KCTD5: variants seen among roughly 807,000 people sequenced by gnomAD.
The protein encoded by KCTD5 is BTB/POZ domain-containing protein KCTD5.
KCTD5 carries 12 observed loss-of-function variants against 27.9 expected under a neutral mutation model. The observed-to-expected ratio is 0.43, with a 90% CI of 0.28 to 0.70. The LOEUF (loss-of-function observed/expected upper bound fraction) is 0.70, where lower values mean the gene tolerates loss of function less well. KCTD5 is among the 30% of genes least tolerant of loss of function. The pLI is 0.19. For synonymous variants in KCTD5, 147 were observed against 121.4 expected, an observed-to-expected ratio of 1.21 and a Z score of -1.39; for missense variants, 226 against 274.8, an observed-to-expected ratio of 0.82 and a Z score of 1.26.
intron 5 of KCTD5, among the ~76,000 whole-genome samples, chr16:2,706,233 G>A (rs933801038): frequency 2.0e-5 from 3 of 152,210 alleles, no homozygotes; most frequent in Admixed American, 6.5e-5. Flanking sequence ...CAGCTCAGGG[G>A]ACGTGGCCTC....
intron 5 of KCTD5, among the ~76,000 whole-genome samples, chr16:2,705,437 G>A (rs2067631335): frequency 6.6e-6 from 1 of 152,182 alleles, no homozygotes; most frequent in African/African-American, 2.4e-5. Flanking sequence ...GGACATCAGT[G>A]GTCGTGAACC....
chr16:2,707,288 T>C lies in KCTD5; in HGVS notation c.676-10T>C. The stretch of plus-strand genomic sequence containing the variant: ...CCAAGTCCTCATTTTATGCATTTGG[T>C]GTTTTTCAGATTTTGCAAGAACGAG... On this transcript the variant is annotated splice_polypyrimidine_tract_variant and intron_variant, in intron 5 of 5. Coordinates refer to ENST00000301738, the MANE Select transcript of KCTD5 (RefSeq NM_018992.4). 6.2e-7 allele frequency: 1 copy of C among 1,613,408 alleles called. No homozygotes were observed. The highest frequency in any genetic ancestry group is 8.5e-7 in the Non-Finnish European group (1 of 1,179,424).
At chr16:2,690,829 C>A (rs1465187285) in intron 1 of KCTD5, among the ~76,000 whole-genome samples, 1 of 152,264 alleles carries the variant, frequency 6.6e-6, no homozygotes, top group African/African-American at 2.4e-5. Flanking sequence ...GACCTTGCTG[C>A]CTTTGTCTCC....
At chr16:2,701,373 G>T (rs575336088) in intron 4 of KCTD5, among the ~76,000 whole-genome samples, 19 of 152,328 alleles carry the variant, frequency 1.2e-4, no homozygotes, top group Admixed American at 8.5e-4. Context: ...CGGGGTGCTG[G>T]GAGGTGGCCA....
intron 1 of KCTD5, among the ~76,000 whole-genome samples, chr16:2,690,185 G>A (rs1005054003): frequency 1.3e-5 from 2 of 152,260 alleles, no homozygotes; most frequent in African/African-American, 2.4e-5. Context: ...ATCTGCGGCT[G>A]CCCTGTGGAC....
intron 1 of KCTD5, 96 bp downstream of exon 1, chr16:2,682,896 G>A: frequency 7.1e-7 from 1 of 1,404,242 alleles, no homozygotes. Context: ...TTCAGCGGGA[G>A]CGGGCGACTC....
chr16:2,700,396 C>T (rs1024270972), intron 4 of KCTD5, among the ~76,000 whole-genome samples: 3 of 152,192 alleles, frequency 2.0e-5, no homozygotes, highest in South Asian at 2.1e-4. Flanking sequence ...TGGCAAGCTG[C>T]GGCGGGTGGG....
intron 1 of KCTD5, among the ~76,000 whole-genome samples, chr16:2,692,361 G>A (rs1408494279): frequency 6.6e-6 from 1 of 152,234 alleles, no homozygotes; most frequent in South Asian, 2.1e-4. Flanking sequence ...GTGCAGAGGA[G>A]ACTGTGGGGG....
At chr16:2,682,936 G>A (rs2067524972) in intron 1 of KCTD5, 136 bp downstream of exon 1, 6 of 1,124,106 alleles carry the variant, frequency 5.3e-6, no homozygotes, top group Non-Finnish European at 7.1e-6. Flanking sequence ...GCGCTCCCTT[G>A]TCGCCAGCTC....
chr16:2,705,693 C>T (rs1216484545), intron 5 of KCTD5, among the ~76,000 whole-genome samples: 2 of 152,182 alleles, frequency 1.3e-5, no homozygotes, highest in African/African-American at 4.8e-5. Context: ...GGGTGTCTGG[C>T]CATGGGGTAC....
At chr16:2,691,077 G>A (rs1178064286) in intron 1 of KCTD5, among the ~76,000 whole-genome samples, 1 of 152,226 alleles carries the variant, frequency 6.6e-6, no homozygotes, top group Non-Finnish European at 1.5e-5. Context: ...CCCGAGCTGG[G>A]AGCACCAAGA....
chr16:2,686,019 G>A (rs1307978443), intron 1 of KCTD5: 1 of 147,678 alleles, frequency 6.8e-6, no homozygotes, highest in South Asian at 2.2e-4. Flanking sequence ...AGGGAGGGGA[G>A]CTCTTGACAG....
chr16:2,704,491 G>C (rs775660934), intron 5 of KCTD5, among the ~76,000 whole-genome samples: 18 of 152,242 alleles, frequency 1.2e-4, no homozygotes, highest in Non-Finnish European at 2.1e-4. Flanking sequence ...TGCTTCCCAC[G>C]CCAGTCCCTC....
At chr16:2,703,720 T>C (rs1265401469) in intron 5 of KCTD5, among the ~76,000 whole-genome samples, 1 of 152,220 alleles carries the variant, frequency 6.6e-6, no homozygotes, top group Non-Finnish European at 1.5e-5. Context: ...CGTTGTGCTC[T>C]TGCTGTGGGC....
In KCTD5 at chr16:2,707,771, A is replaced by G. The variant is rs528994002; in HGVS notation, c.*444A>G. ...GCCTCTGGTCCGACCACCAGGCCCT[A>G]GTCTCGGTCAGGGAGTCTGCTCTGC... On this transcript the variant is annotated 3_prime_UTR_variant, in exon 6 of 6. Coordinates refer to ENST00000301738, the MANE Select transcript of KCTD5 (RefSeq NM_018992.4). The G allele has an allele frequency of 6.5e-5, 21 of 321,542 alleles. No individual in the cohort carries two copies. Among genetic ancestry groups the G allele is most frequent in the Non-Finnish European group, 1.1e-4 (20 of 174,874 alleles). The allele number at this position is 321,542 out of a possible 1,614,324, so 19.9% of individuals were successfully genotyped here. A position where few individuals can be genotyped will look rare whatever the true frequency, so the allele number is the denominator to read the frequency against.
chr16:2,700,407 G>A (rs561805149), intron 4 of KCTD5, among the ~76,000 whole-genome samples: 11 of 152,358 alleles, frequency 7.2e-5, no homozygotes, highest in South Asian at 2.1e-4. Context: ...GGCGGGTGGG[G>A]TCTGATGGGT....
chr16:2,707,339 T>C lies in KCTD5; in HGVS notation c.*12T>C, dbSNP rs757478123. On this transcript the variant is annotated 3_prime_UTR_variant, in exon 6 of 6. Coordinates refer to ENST00000301738, the MANE Select transcript of KCTD5 (RefSeq NM_018992.4). ...GCTCAAGGATGTGAGGGACACAGTA[T>C]TGACAGCTGAAGAAATGATTTACGT... The C allele has an allele frequency of 2.5e-6, 4 of 1,613,372 alleles. No individual in the cohort carries two copies. Among genetic ancestry groups the C allele is most frequent in the African/African-American group, 2.7e-5 (2 of 74,920 alleles).
rs1295621962 is a variant in KCTD5 at position 2,682,692 on chromosome 16, C to T, written c.144C>T (p.Leu48=). The T allele has an allele frequency of 5.0e-6, 8 of 1,609,934 alleles. No individual in the cohort carries two copies. The highest frequency in any genetic ancestry group is 6.8e-6 in the Non-Finnish European group (8 of 1,178,746). ...RPGSVSKWVR[L]NVGGTYFLTT... is the part of the protein sequence containing the mutation. Reference sequence around the variant, plus strand: ...GCAGCGTGTCCAAGTGGGTCCGACTCAACGTCGGCGGCACCTACTTCCTCA... The same window carrying T: ...GCAGCGTGTCCAAGTGGGTCCGACTTAACGTCGGCGGCACCTACTTCCTCA... Residue 48 remains leucine, a synonymous_variant, in exon 1 of 6, where the codon CTC becomes CTT. Transcript: ENST00000301738.
chr16:2,703,156 G>A (rs898463936), intron 5 of KCTD5, among the ~76,000 whole-genome samples: 2 of 152,226 alleles, frequency 1.3e-5, no homozygotes, highest in African/African-American at 4.8e-5. Context: ...TTGGCCCTGT[G>A]GCCCTGCCCA....
Sources: allele counts gnomAD v4.1 joint callset (sites outside exome capture counted in the v4.1 genomes callset), GRCh38; gene constraint gnomAD v4.1.1; transcripts MANE v1.5; gene names NCBI Gene and HGNC (gene_info 2026-07-23, HGNC 2026-07-21).